The following GGT1 variants were observed in gnomAD, a reference collection of about 807,000 sequenced individuals.
The protein encoded by GGT1 is gamma-glutamyltransferase 1.
GGT1 carries 21 observed loss-of-function variants against 56.0 expected under a neutral mutation model. The ratio of observed to expected loss-of-function variants is 0.38; its 90% confidence interval spans 0.27 to 0.54. The LOEUF (loss-of-function observed/expected upper bound fraction) is 0.54. GGT1 is among the 20% of genes least tolerant of loss of function. The pLI, the probability that GGT1 is intolerant of heterozygous loss-of-function variation, is 0.82. For synonymous variants in GGT1, 238 were observed against 342.6 expected (o/e 0.69, Z 3.37); for missense variants, 466 against 787.0 (o/e 0.59, Z 4.88).
chr22:24,606,226 G>T, intron 1 of GGT1, among the ~76,000 whole-genome samples: 1 of 148,786 alleles, frequency 6.7e-6, no homozygotes, highest in African/African-American at 2.5e-5. Context: ...CCATGTTGGT[G>T]TGCTGCACCC....
chr22:24,589,542 T>C, the GGT1 span: 2 of 460,636 alleles, frequency 4.3e-6, no homozygotes, highest in Non-Finnish European at 6.8e-6. Context: ...ATAGTCTTCC[T>C]GGTCTGGGCC....
chr22:24,611,585 TCTATCTATCTATCTA>T (rs1338440607), intron 5 of GGT1, among the ~76,000 whole-genome samples: 5 of 135,818 alleles, frequency 3.7e-5, no homozygotes, highest in African/African-American at 1.1e-4. Flanking sequence ...TATCTATCTA[TCTATCTATCTATCTA>T]CTATCTATCT....
chr22:24,627,343 C>T (rs2047853346), intron 11 of GGT1, 89 bp from the exon 12 acceptor site: 1 of 1,440,530 alleles, frequency 6.9e-7, no homozygotes, highest in Non-Finnish European at 9.4e-7. Flanking sequence ...GGGTTGCGGT[C>T]AGAGTCACAG....
the GGT1 span, chr22:24,588,809 G>A: frequency 1.5e-5 from 15 of 1,014,564 alleles, no homozygotes; most frequent in East Asian, 2.8e-4. Flanking sequence ...CTGCGCCTGC[G>A]GGGTCTGGGT....
chr22:24,605,381 TATA>T (rs538130136), intron 1 of GGT1, among the ~76,000 whole-genome samples: 4,740 of 38,320 alleles, frequency 0.12, 633 homozygotes, highest in Middle Eastern at 0.3. Context: ...TATATAATAT[TATA>T]ATATGTATTA....
chr22:24,606,839 C>A, intron 1 of GGT1, among the ~76,000 whole-genome samples: 1 of 151,844 alleles, frequency 6.6e-6, no homozygotes, highest in East Asian at 1.9e-4. Flanking sequence ...GTGTTATGGG[C>A]ACGGAATAGA....
intron 7 of GGT1, among the ~76,000 whole-genome samples, chr22:24,616,280 G>A (rs1450237145): frequency 6.6e-6 from 1 of 151,812 alleles, no homozygotes; most frequent in Non-Finnish European, 1.5e-5. Context: ...CAGGCGTGGT[G>A]GCACAGGCCT....
chr22:24,613,604 G>T (rs1289653424), intron 5 of GGT1, among the ~76,000 whole-genome samples: 1 of 151,856 alleles, frequency 6.6e-6, no homozygotes, highest in African/African-American at 2.4e-5. Context: ...TAAAAAGTTA[G>T]CCGGGCATGG....
rs539641804 is a variant in GGT1 at position 24,597,723 on chromosome 22, G to A, written c.-324+2837G>A. Among the ~76,000 whole-genome samples, 6 of 151,122 alleles carry A rather than the reference G, an allele frequency of 4.0e-5. No homozygotes were observed. In the South Asian group the frequency reaches 6.2e-4, roughly 16 times the overall value. ...CACACACACAAAACAACTGTGTTTC[G>A]CCTCTGTTCTCACAAGACAATAATC... On this transcript the variant is annotated intron_variant, in intron 1 of 6. Transcript: ENST00000411974.
At chr22:24,585,878 G>C in the GGT1 span, 1 of 1,570,356 alleles carries the variant, frequency 6.4e-7, no homozygotes, top group Non-Finnish European at 8.6e-7. Context: ...AGCCAGGTGG[G>C]TGGTGGGTCA....
upstream of GGT1, among the ~76,000 whole-genome samples, chr22:24,598,871 C>T (rs553459967): frequency 7.9e-5 from 12 of 152,032 alleles, no homozygotes; most frequent in South Asian, 2.5e-3. Flanking sequence ...GTTCTTGTTC[C>T]CCTTCCTGTC....
Position 24,628,149 on chromosome 22 carries a change from G to T in GGT1, c.1405G>T (p.Val469Leu). 1 of 1,612,040 alleles carries T rather than the reference G, an allele frequency of 6.2e-7. No homozygotes were observed. ...VGQDGQVRMV[V>L]GAAGGTQITT... ...CCAGGACGGCCAGGTCCGGATGGTGGTGGGAGCTGCTGGGGGCACACAGAT... is the reference window on the plus strand; with the variant it reads ...CCAGGACGGCCAGGTCCGGATGGTGTTGGGAGCTGCTGGGGGCACACAGAT... Residue 469 changes from valine (V) to leucine (L), a missense_variant, in exon 14 of 16, where the codon GTG becomes TTG. Coordinates refer to ENST00000400382, the MANE Select transcript of GGT1 (RefSeq NM_001288833.2). This position sits in a 1 kb window ranked among gnomAD's most constrained non-coding sequence, Gnocchi z 5.7.
upstream of GGT1, chr22:24,593,040 G>A (rs1427780922): frequency 7.1e-5 from 74 of 1,044,880 alleles, no homozygotes; most frequent in Non-Finnish European, 8.0e-5. Context: ...GCGCCCCCAT[G>A]GCCGCCGCGC....
chr22:24,621,481 G>C (rs975155046), intron 9 of GGT1, among the ~76,000 whole-genome samples: 2 of 151,324 alleles, frequency 1.3e-5, no homozygotes, highest in African/African-American at 4.9e-5. Flanking sequence ...GGGTTACAAG[G>C]GATGAGGGTC....
upstream of GGT1, among the ~76,000 whole-genome samples, chr22:24,592,056 A>C (rs1254733672): frequency 1.3e-5 from 2 of 152,020 alleles, no homozygotes; most frequent in Non-Finnish European, 2.9e-5. Flanking sequence ...TGCAGGCCGA[A>C]CACCTGCATG....
upstream of GGT1, chr22:24,592,746 C>CG (rs1276979484): frequency 7.8e-7 from 1 of 1,283,560 alleles, no homozygotes; most frequent in Non-Finnish European, 9.9e-7. Context: ...GAGACCAGCT[C>CG]CGCCTCGCCT....
chr22:24,622,829 G>A (rs1426814231), intron 9 of GGT1, among the ~76,000 whole-genome samples: 1 of 152,218 alleles, frequency 6.6e-6, no homozygotes, highest in Non-Finnish European at 1.5e-5. Flanking sequence ...GCAAAGGGCA[G>A]GTGGCCCCAG....
At chr22:24,610,151 G>A in intron 3 of GGT1, 99 bp from the exon 4 acceptor site, 1 of 368,300 alleles carries the variant, frequency 2.7e-6, no homozygotes, top group South Asian at 2.0e-5. Flanking sequence ...TCCCCTACCT[G>A]CCCTGCTCCG....
the GGT1 span, chr22:24,588,590 G>T: frequency 1.1e-6 from 1 of 929,490 alleles, no homozygotes; most frequent in Non-Finnish European, 1.5e-6. Flanking sequence ...CAGACAATGA[G>T]CCCTTGTTCC....
Sources: allele counts gnomAD v4.1 joint callset (sites outside exome capture counted in the v4.1 genomes callset), GRCh38; gene constraint gnomAD v4.1.1; non-coding constraint Gnocchi (gnomAD v3.1); transcripts MANE v1.5; gene names NCBI Gene and HGNC (gene_info 2026-07-23, HGNC 2026-07-21).